Variants in GPC3 observed in about 807,000 individuals in gnomAD.
The protein encoded by GPC3 is glypican 3, also known as glypican-3.
GPC3 carries 3 observed loss-of-function variants against 34.4 expected under a neutral mutation model. That is an observed-to-expected ratio of 0.09 (90% confidence interval 0.04 to 0.23). The LOEUF (loss-of-function observed/expected upper bound fraction) is 0.23, where lower values mean the gene tolerates loss of function less well. Among genes scored for constraint, GPC3 ranks in the 10% least tolerant of loss-of-function variants. The probability of loss-of-function intolerance (pLI) is 1.00; values close to 1 mark genes in which losing one functional copy is unlikely to be tolerated. For missense variants in GPC3, 351 were observed against 445.6 expected, an observed-to-expected ratio of 0.79 and a Z score of 1.91; for synonymous variants, 177 against 174.0, an observed-to-expected ratio of 1.02 and a Z score of -0.13.
intron 2 of GPC3, among the ~76,000 whole-genome samples, chrX:133,769,881 G>A (rs889387586): frequency 8.9e-6 from 1 of 112,393 alleles, no homozygotes; most frequent in Non-Finnish European, 1.9e-5. Flanking sequence ...CGAAATGCCA[G>A]ATACCCTGCA....
At chrX:133,861,800 C>T (rs1014424979) in intron 2 of GPC3, among the ~76,000 whole-genome samples, 1 of 111,288 alleles carries the variant, frequency 9.0e-6, no homozygotes, top group African/African-American at 3.3e-5. Flanking sequence ...TGCCTGCTCC[C>T]TCTTCACCTT....
chrX:133,548,561 C>T (rs894354587), intron 7 of GPC3, among the ~76,000 whole-genome samples: 2 of 111,997 alleles, frequency 1.8e-5, no homozygotes, highest in Non-Finnish European at 3.8e-5. Flanking sequence ...CAGTAATCAA[C>T]AGCAGGCAGG....
chrX:133,748,834 C>G (rs1005273536), intron 3 of GPC3, among the ~76,000 whole-genome samples: 3 of 111,920 alleles, frequency 2.7e-5, no homozygotes, highest in Admixed American at 9.5e-5. Flanking sequence ...AAGGTCCTAG[C>G]TTTGCCACTA....
intron 1 of GPC3, among the ~76,000 whole-genome samples, chrX:133,955,455 T>C (rs2076412502): frequency 9.0e-6 from 1 of 111,279 alleles, no homozygotes. Flanking sequence ...TCATAAGTGT[T>C]TTCCCCCAAT....
chrX:133,747,819 A>G (rs2071625808), intron 3 of GPC3, among the ~76,000 whole-genome samples: 1 of 112,367 alleles, frequency 8.9e-6, no homozygotes. Context: ...AGATAGTGCT[A>G]AAATGAATAT....
chrX:133,925,733 T>G (rs2076272007), intron 2 of GPC3, among the ~76,000 whole-genome samples: 1 of 111,912 alleles, frequency 8.9e-6, no homozygotes, highest in African/African-American at 3.3e-5. Flanking sequence ...GGCTGTTAAA[T>G]TGGTTGCCTC....
intron 4 of GPC3, among the ~76,000 whole-genome samples, chrX:133,695,330 C>T (rs1324106276): frequency 8.9e-6 from 1 of 112,111 alleles, no homozygotes; most frequent in East Asian, 2.8e-4. Context: ...GTTCCAAAAT[C>T]TACTGTGATG....
chrX:133,806,885 T>C (rs892275157), intron 2 of GPC3, among the ~76,000 whole-genome samples: 1 of 111,207 alleles, frequency 9.0e-6, no homozygotes, highest in Non-Finnish European at 1.9e-5. Context: ...CCTGACCTCA[T>C]GATCCATCCA....
chrX:133,680,692 A>C (rs1403707247), intron 5 of GPC3, among the ~76,000 whole-genome samples: 1 of 112,419 alleles, frequency 8.9e-6, no homozygotes, highest in Non-Finnish European at 1.9e-5. Flanking sequence ...CAAGGGTGAC[A>C]GAAAGGACTT....
rs151082475 is a variant in GPC3 at position 133,753,670 on chromosome X, T to C, written c.844A>G (p.Met282Val). The C allele has an allele frequency of 7.5e-5, 91 of 1,209,974 alleles. No homozygotes were observed. The highest frequency in any genetic ancestry group is 9.9e-5 in the Non-Finnish European group (89 of 894,866). Reference sequence around the variant, plus strand: ...ACCACACCTGCCATACAGCCTTGCATGACCACATTGCAGTAACCGCCACAG... The same window carrying C: ...ACCACACCTGCCATACAGCCTTGCACGACCACATTGCAGTAACCGCCACAG... ...KPCGGYCNVV[M>V]QGCMAGVVEI... is the part of the protein sequence containing the mutation. The change falls in exon 3 of 8, where the codon ATG (methionine) becomes GTG (valine). Residue 282 changes from methionine (M) to valine (V), a missense_variant. By Grantham distance (21) the Met-to-Val change is conservative. Coordinates refer to ENST00000370818, the MANE Select transcript of GPC3 (RefSeq NM_004484.4).
chrX:133,874,473 T>A, intron 2 of GPC3, among the ~76,000 whole-genome samples: 2 of 112,177 alleles, frequency 1.8e-5, no homozygotes, highest in Middle Eastern at 9.2e-3. Context: ...TTTTCCTTTT[T>A]AAGTCCTTTG....
intron 3 of GPC3, among the ~76,000 whole-genome samples, chrX:133,746,420 G>A (rs370500395): frequency 2.7e-5 from 3 of 112,397 alleles, no homozygotes; most frequent in East Asian, 2.8e-4. Flanking sequence ...TGTAATATAC[G>A]TATAATTTCA....
rs759217221 is a variant in GPC3 at position 133,912,615 on chromosome X, G to A, written c.337+40435C>T. Among the ~76,000 whole-genome samples the A allele has an allele frequency of 4.6e-5, 5 of 109,528 alleles. No individual in the cohort carries two copies. In the South Asian group the frequency reaches 2.0e-3, roughly 44 times the overall value. On this transcript the variant is annotated intron_variant, in intron 2 of 7. Coordinates refer to ENST00000370818, the MANE Select transcript of GPC3 (RefSeq NM_004484.4). Reference sequence around the variant, plus strand: ...GCCTGTGAGTGATATAACAGAAGGTGGGAGAATGACACTGCCTTAAAGTGA... The same window carrying A: ...GCCTGTGAGTGATATAACAGAAGGTAGGAGAATGACACTGCCTTAAAGTGA...
intron 2 of GPC3, among the ~76,000 whole-genome samples, chrX:133,910,632 C>T (rs192337644): frequency 8.9e-6 from 1 of 111,966 alleles, no homozygotes; most frequent in East Asian, 2.8e-4. Context: ...AGCATCTCTG[C>T]GACAAGGACC....
chrX:133,736,239 T>C (rs770950567), intron 3 of GPC3, among the ~76,000 whole-genome samples: 1 of 112,059 alleles, frequency 8.9e-6, no homozygotes, highest in African/African-American at 3.2e-5. Flanking sequence ...CAATTGTTGG[T>C]GTGGATGTGG....
In GPC3 at chrX:133,753,912, G is replaced by C. The variant is rs201344338; in HGVS notation, c.602C>G (p.Ala201Gly). 1 of 1,209,897 alleles carries C rather than the reference G, an allele frequency of 8.3e-7. No individual in the cohort carries two copies. Among genetic ancestry groups the C allele is most frequent in the Non-Finnish European group, 1.1e-6 (1 of 895,055 alleles). ...ALDINECLRG[A>G]RRDLKVFGNF... ...CCCAAATACTTTCAGGTCACGTCTT[G>C]CTCCTCGGAGGCACTCATTGATGTC... Residue 201 changes from alanine to glycine, a missense_variant, in exon 3 of 8, where the codon GCA becomes GGA. Transcript: ENST00000370818.
intron 2 of GPC3, among the ~76,000 whole-genome samples, chrX:133,857,454 C>G (rs1260197984): frequency 9.0e-6 from 1 of 111,591 alleles, no homozygotes; most frequent in Non-Finnish European, 1.9e-5. Context: ...TATAATCTTC[C>G]CTTTCACCCC....
At chrX:133,751,052 G>A (rs760088449) in intron 3 of GPC3, among the ~76,000 whole-genome samples, 46 of 104,713 alleles carry the variant, frequency 4.4e-4, no homozygotes, top group Admixed American at 3.9e-3. Flanking sequence ...CAGCCTGGGC[G>A]ACAGAGCGAG....
intron 3 of GPC3, among the ~76,000 whole-genome samples, chrX:133,720,825 G>C (rs1168776847): frequency 1.8e-5 from 2 of 110,399 alleles, no homozygotes; most frequent in Non-Finnish European, 3.8e-5. Context: ...ACTTATAAGT[G>C]GGAGCTAAGC....
Sources: gnomAD v4.1 joint callset for allele counts (sites outside exome capture counted in the v4.1 genomes callset) on GRCh38, gnomAD v4.1.1 for gene constraint, MANE v1.5 for transcripts, NCBI Gene and HGNC (gene_info 2026-07-23, HGNC 2026-07-21) for gene names.